PMFBP1: variants seen among roughly 807,000 people sequenced by gnomAD.
The protein encoded by PMFBP1 is polyamine modulated factor 1 binding protein 1.
A neutral mutation model predicts 137.8 loss-of-function variants in PMFBP1; 131 were observed. That is an observed-to-expected ratio of 0.95 (90% CI 0.82 to 1.10). The LOEUF (loss-of-function observed/expected upper bound fraction) is 1.10, where lower values mean the gene tolerates loss of function less well. Ranked by LOEUF, PMFBP1 falls within the 50% of genes least tolerant of loss-of-function variation. The pLI is 0.00. For missense variants in PMFBP1, 1,199 were observed against 1,175.4 expected, an observed-to-expected ratio of 1.02 and a Z score of -0.29; for synonymous variants, 490 against 450.4, an observed-to-expected ratio of 1.09 and a Z score of -1.11.
chr16:72,215,188 A>T, the PMFBP1 span, among the ~76,000 whole-genome samples: 1 of 152,198 alleles, frequency 6.6e-6, no homozygotes, highest in East Asian at 1.9e-4. Context: ...GAGAGACTGG[A>T]GAAGAACCAA....
chr16:72,241,221 C>T, the PMFBP1 span, among the ~76,000 whole-genome samples: 5 of 152,132 alleles, frequency 3.3e-5, no homozygotes, highest in Non-Finnish European at 5.9e-5. Context: ...CATGAAAACC[C>T]TCATGCTTTT....
chr16:72,206,864 G>A, the PMFBP1 span, among the ~76,000 whole-genome samples: 2 of 152,286 alleles, frequency 1.3e-5, no homozygotes, highest in African/African-American at 2.4e-5. Flanking sequence ...CAGACTGCAC[G>A]TGATCTCAAC....
chr16:72,193,423 G>GA, the PMFBP1 span, among the ~76,000 whole-genome samples: 2 of 151,864 alleles, frequency 1.3e-5, no homozygotes, highest in Non-Finnish European at 2.9e-5. Flanking sequence ...TTATATGTAT[G>GA]AAAAAAATTG....
In PMFBP1 at chr16:72,140,928, C is replaced by CTTTTTTTTTTT. The variant is rs35908141; in HGVS notation, c.637-357_637-347dup. On this transcript the variant is annotated intron_variant, in intron 5 of 20. Coordinates refer to ENST00000237353, the MANE Select transcript of PMFBP1 (RefSeq NM_031293.3). ...CACTTTTTTTCTTACACAAATGAGT[C>CTTTTTTTTTTT]TTTTTTTTTTTTTTTTTTTTTTTTG... Among the ~76,000 whole-genome samples the CTTTTTTTTTTT allele has an allele frequency of 6.0e-4, 42 of 69,796 alleles. 2 individuals are homozygous for CTTTTTTTTTTT. Among genetic ancestry groups the CTTTTTTTTTTT allele is most frequent in the Non-Finnish European group, 5.9e-4 (23 of 39,210 alleles). The allele number at this position is 69,796 out of a possible 152,430, so 45.8% of individuals were successfully genotyped here. A position where few individuals can be genotyped will look rare whatever the true frequency, so the allele number is the denominator to read the frequency against.
At chr16:72,200,024 T>G in the PMFBP1 span, among the ~76,000 whole-genome samples, 1 of 152,232 alleles carries the variant, frequency 6.6e-6, no homozygotes, top group Non-Finnish European at 1.5e-5. Flanking sequence ...ATCAGCAGTT[T>G]GAGTGTGACA....
Position 72,135,497 on chromosome 16 carries a change from G to A in PMFBP1, c.1203+951C>T, listed in dbSNP as rs370311011. On this transcript the variant is annotated intron_variant, in intron 9 of 20. Coordinates refer to ENST00000237353, the MANE Select transcript of PMFBP1 (RefSeq NM_031293.3). Reference sequence around the variant, plus strand: ...CTCCCAAAGTGCTGGGATTACAAGCGTGGGCCACCGCACCCGGCCGTCAGC... The same window carrying A: ...CTCCCAAAGTGCTGGGATTACAAGCATGGGCCACCGCACCCGGCCGTCAGC... 1.4e-4 allele frequency among the ~76,000 whole-genome samples: 21 copies of A among 151,496 alleles called. No homozygotes were observed. In the East Asian group the frequency reaches 3.3e-3, roughly 24 times the overall value.
At chr16:72,179,721 G>C (rs1004486013), upstream of PMFBP1, among the ~76,000 whole-genome samples, 4 of 151,966 alleles carry the variant, frequency 2.6e-5, no homozygotes, top group Non-Finnish European at 5.9e-5. Flanking sequence ...TGGAGAGGAG[G>C]GAACCAGTAC....
intron 13 of PMFBP1, 71 bp downstream of exon 13, chr16:72,128,995 C>A: frequency 6.4e-7 from 1 of 1,555,236 alleles, no homozygotes; most frequent in Non-Finnish European, 8.7e-7. Flanking sequence ...CTCCGCATCC[C>A]TGGAGGCCCA....
the PMFBP1 span, among the ~76,000 whole-genome samples, chr16:72,228,759 T>C: frequency 5.9e-5 from 9 of 152,206 alleles, no homozygotes; most frequent in Non-Finnish European, 1.2e-4. Context: ...TTTAGGCTTC[T>C]TTTCTTTCTT....
At chr16:72,201,292 C>A in the PMFBP1 span, among the ~76,000 whole-genome samples, 1 of 152,182 alleles carries the variant, frequency 6.6e-6, no homozygotes, top group Non-Finnish European at 1.5e-5. Flanking sequence ...TTATGCTGAA[C>A]AATTATCCTC....
intron 14 of PMFBP1, among the ~76,000 whole-genome samples, chr16:72,126,872 C>G (rs2042467821): frequency 6.6e-6 from 1 of 152,202 alleles, no homozygotes; most frequent in Admixed American, 6.5e-5. Context: ...TCTCTAGCCT[C>G]AGTTTCTGCT....
At chr16:72,235,959 C>T in the PMFBP1 span, among the ~76,000 whole-genome samples, 1 of 152,076 alleles carries the variant, frequency 6.6e-6, no homozygotes, top group African/African-American at 2.4e-5. Context: ...TCCCTTCTTC[C>T]TTTCCAATCT....
At chr16:72,163,661 C>T (rs1308508445) in intron 3 of PMFBP1, among the ~76,000 whole-genome samples, 1 of 152,090 alleles carries the variant, frequency 6.6e-6, no homozygotes, top group Non-Finnish European at 1.5e-5. Flanking sequence ...AAAGGTGTGT[C>T]CACTCATTGA....
the PMFBP1 span, among the ~76,000 whole-genome samples, chr16:72,237,254 G>C: frequency 1.3e-5 from 2 of 152,154 alleles, no homozygotes; most frequent in African/African-American, 2.4e-5. Flanking sequence ...GTTAGGTTCT[G>C]GTTCTGCTCT....
intron 5 of PMFBP1, among the ~76,000 whole-genome samples, chr16:72,145,991 T>A (rs1405018964): frequency 6.6e-6 from 1 of 152,024 alleles, no homozygotes; most frequent in African/African-American, 2.4e-5. Context: ...ACTATTCCAA[T>A]CAATAGAAAA....
At position 72,125,264 on chromosome 16, in the gene PMFBP1, C is replaced by T; in HGVS notation, c.2395G>A (p.Gly799Ser). 1 of 1,613,990 alleles carries T rather than the reference C, an allele frequency of 6.2e-7. No individual in the cohort carries two copies. The highest frequency in any genetic ancestry group is 8.5e-7 in the Non-Finnish European group (1 of 1,179,968). Residue 799 changes from glycine to serine, a missense_variant, in exon 16 of 21, where the codon GGC (glycine) becomes AGC (serine). Coordinates refer to ENST00000237353, the MANE Select transcript of PMFBP1 (RefSeq NM_031293.3). ...KLNTELRKLR[G>S]FHQESELEVH... is the part of the protein sequence containing the mutation. ...TCCAGCTCACTCTCCTGGTGGAAGC[C>T]CCGCAGTTTTCTTAATTCCGTATTG...
upstream of PMFBP1, among the ~76,000 whole-genome samples, chr16:72,179,035 T>C (rs1009903081): frequency 3.3e-5 from 5 of 152,228 alleles, no homozygotes; most frequent in Non-Finnish European, 7.3e-5. Context: ...AAGACTCTTG[T>C]CTTAAGAAAA....
intron 9 of PMFBP1, 66 bp downstream of exon 9, chr16:72,136,382 G>A (rs2042631355): frequency 6.4e-7 from 1 of 1,557,262 alleles, no homozygotes; most frequent in South Asian, 1.2e-5. Flanking sequence ...GGCAGAACCG[G>A]TTAATGCCAG....
the PMFBP1 span, among the ~76,000 whole-genome samples, chr16:72,222,276 C>T: frequency 6.6e-6 from 1 of 152,116 alleles, no homozygotes; most frequent in Non-Finnish European, 1.5e-5. Flanking sequence ...CTGGCATAAC[C>T]CTGGCATGTT....
Sources: allele counts gnomAD v4.1 joint callset (sites outside exome capture counted in the v4.1 genomes callset), GRCh38; gene constraint gnomAD v4.1.1; transcripts MANE v1.5; gene names NCBI Gene and HGNC (gene_info 2026-07-23, HGNC 2026-07-21).